Variants in PRKCZ observed in about 807,000 individuals in gnomAD.
PRKCZ encodes protein kinase C zeta type.
In PRKCZ, 33 loss-of-function variants were observed where a neutral mutation model predicts 79.5. The ratio of observed to expected loss-of-function variants is 0.41; its 90% CI spans 0.31 to 0.55. The LOEUF (loss-of-function observed/expected upper bound fraction) is 0.55. Ranked by LOEUF, PRKCZ falls within the 20% of genes least tolerant of loss-of-function variation. PRKCZ has a pLI of 0.19. For missense variants in PRKCZ, 578 were observed against 813.5 expected (o/e 0.71, Z 3.52); for synonymous variants, 342 against 320.9 (o/e 1.07, Z -0.70).
intron 9 of PRKCZ, among the ~76,000 whole-genome samples, chr1:2,155,037 C>G (rs935448713): frequency 1.3e-5 from 2 of 152,160 alleles, no homozygotes; most frequent in Non-Finnish European, 2.9e-5. Flanking sequence ...AGGCCAGAGG[C>G]CAGTATACCA....
At chr1:2,072,426 G>A (rs377019052) in intron 4 of PRKCZ, among the ~76,000 whole-genome samples, 2 of 152,192 alleles carry the variant, frequency 1.3e-5, no homozygotes, top group African/African-American at 4.8e-5. Context: ...CTCTTGCCTC[G>A]CGGGGCCATG....
chr1:2,096,323 C>G (rs1475096590), intron 4 of PRKCZ, among the ~76,000 whole-genome samples: 1 of 150,674 alleles, frequency 6.6e-6, no homozygotes, highest in Non-Finnish European at 1.5e-5. Context: ...AGTTTGGCAT[C>G]TGGAGTAGCT....
intron 16 of PRKCZ, among the ~76,000 whole-genome samples, chr1:2,181,348 C>G (rs1290719784): frequency 6.6e-6 from 1 of 152,234 alleles, no homozygotes; most frequent in Non-Finnish European, 1.5e-5. Context: ...GGGCCCCCAG[C>G]CCCATTGACA....
chr1:2,057,655 T>G (rs1012109722), intron 3 of PRKCZ, among the ~76,000 whole-genome samples: 10 of 152,040 alleles, frequency 6.6e-5, no homozygotes, highest in East Asian at 1.9e-4. Context: ...CGCTTCAGCC[T>G]AGGAGTTCAA....
In PRKCZ at chr1:2,185,049, C is replaced by G; in HGVS notation, c.*40C>G. ...CTGTCGTGGACACGCGTGATTGACCCTTTAACTGTATCCTTAACCACCGCA... is the reference window on the plus strand; with the variant it reads ...CTGTCGTGGACACGCGTGATTGACCGTTTAACTGTATCCTTAACCACCGCA... On this transcript the variant is annotated 3_prime_UTR_variant, in exon 18 of 18. Coordinates refer to ENST00000378567, the MANE Select transcript of PRKCZ (RefSeq NM_002744.6). The G allele has an allele frequency of 1.3e-6, 2 of 1,547,612 alleles. No individual in the cohort carries two copies. Among genetic ancestry groups the G allele is most frequent in the Non-Finnish European group, 1.8e-6 (2 of 1,131,034 alleles).
intron 4 of PRKCZ, among the ~76,000 whole-genome samples, chr1:2,070,658 G>A (rs1016427014): frequency 2.0e-5 from 3 of 152,054 alleles, no homozygotes; most frequent in Non-Finnish European, 4.4e-5. Context: ...AGATAGCAGG[G>A]GAAGGGGCTG....
chr1:2,150,270 G>A (rs1374874714), intron 8 of PRKCZ, among the ~76,000 whole-genome samples: 2 of 152,184 alleles, frequency 1.3e-5, no homozygotes, highest in African/African-American at 2.4e-5. Context: ...GCTTGCGGGA[G>A]GCAGAGGCTT....
At chr1:2,147,448 C>CATCTATCT (rs1454738053) in intron 7 of PRKCZ, among the ~76,000 whole-genome samples, 1 of 150,650 alleles carries the variant, frequency 6.6e-6, no homozygotes. Context: ...TCCATCTATC[C>CATCTATCT]ATCTATCTTG....
intron 4 of PRKCZ, among the ~76,000 whole-genome samples, chr1:2,098,925 C>T (rs935141630): frequency 2.6e-5 from 4 of 152,202 alleles, no homozygotes; most frequent in Non-Finnish European, 5.9e-5. Flanking sequence ...TCGTGATCCA[C>T]CCACCTCAGC....
intron 4 of PRKCZ, among the ~76,000 whole-genome samples, chr1:2,130,636 G>T (rs952996194): frequency 6.6e-6 from 1 of 152,016 alleles, no homozygotes. Flanking sequence ...AGCCACAGCC[G>T]CAGCACTGCT....
chr1:2,118,421 T>G (rs1204764239), intron 4 of PRKCZ, among the ~76,000 whole-genome samples: 1 of 150,774 alleles, frequency 6.6e-6, no homozygotes, highest in Non-Finnish European at 1.5e-5. Flanking sequence ...CACTGCAAGC[T>G]CTGCCTCCTG....
intron 4 of PRKCZ, among the ~76,000 whole-genome samples, chr1:2,079,972 G>A (rs966381036): frequency 2.6e-5 from 4 of 152,190 alleles, no homozygotes; most frequent in African/African-American, 4.8e-5. Context: ...GGGTGAGGAA[G>A]GGGGTCTGGG....
rs1557612492 is a variant in PRKCZ at position 2,121,633 on chromosome 1, C to CGGCGGTGGTT, written c.335-13629_335-13628insGGCGGTGGTT. Among the ~76,000 whole-genome samples the CGGCGGTGGTT allele has an allele frequency of 2.3e-4, 2 of 8,706 alleles. 1 individual carries two copies. The highest frequency in any genetic ancestry group is 6.5e-4 in the African/African-American group (2 of 3,060). The allele number at this position is 8,706 out of a possible 152,430, so 5.7% of individuals were successfully genotyped here. A position where few individuals can be genotyped will look rare whatever the true frequency, so the allele number is the denominator to read the frequency against. On this transcript the variant is annotated intron_variant, in intron 4 of 17. Coordinates refer to ENST00000378567, the MANE Select transcript of PRKCZ (RefSeq NM_002744.6). Reference sequence around the variant, plus strand: ...AGGGTCATGGTGGTGGTTAGGGTCACAGTGGTAGTTAGGGTCACGGTGGTG... The same window carrying CGGCGGTGGTT: ...AGGGTCATGGTGGTGGTTAGGGTCACGGCGGTGGTTAGTGGTAGTTAGGGTCACGGTGGTG...
At chr1:2,163,407 C>T (rs1458338583) in intron 10 of PRKCZ, among the ~76,000 whole-genome samples, 1 of 152,184 alleles carries the variant, frequency 6.6e-6, no homozygotes, top group East Asian at 1.9e-4. Context: ...ATCATCTGGT[C>T]TCTGAGGACA....
In PRKCZ at chr1:2,124,299, T is replaced by C. The variant is rs200696925; in HGVS notation, c.335-10963T>C. 3.8e-3 allele frequency among the ~76,000 whole-genome samples: 356 copies of C among 94,424 alleles called. 6 individuals carry two copies. Among genetic ancestry groups the C allele is most frequent in the African/African-American group, 0.011 (293 of 27,222 alleles). 61.9% of individuals were successfully genotyped at this position (94,424 alleles called of 152,430 possible). ...GTCACGGCTGTAGTTAGCGTCACGG[T>C]GGTAGTTAGGGTCACGGTGGTGGTT... is the stretch of plus-strand genomic sequence containing the variant. On this transcript the variant is annotated intron_variant, in intron 4 of 17. Transcript: ENST00000378567.
chr1:2,080,727 C>T (rs181733272), intron 4 of PRKCZ, among the ~76,000 whole-genome samples: 6 of 152,320 alleles, frequency 3.9e-5, no homozygotes, highest in South Asian at 2.1e-4. Context: ...GTCTCCCCTC[C>T]TGCCCCCTTT....
intron 4 of PRKCZ, among the ~76,000 whole-genome samples, chr1:2,130,535 A>G (rs925133263): frequency 6.6e-6 from 1 of 152,226 alleles, no homozygotes; most frequent in Non-Finnish European, 1.5e-5. Flanking sequence ...GTGTGTGTAT[A>G]GAAAGATCTA....
chr1:2,081,682 G>A (rs905895047), intron 4 of PRKCZ, among the ~76,000 whole-genome samples: 3 of 152,284 alleles, frequency 2.0e-5, no homozygotes, highest in African/African-American at 4.8e-5. Context: ...GACTGACCCC[G>A]CATACTCTTC....
intron 4 of PRKCZ, among the ~76,000 whole-genome samples, chr1:2,067,849 T>C (rs2459985): frequency 0.5 from 75,850 of 152,146 alleles, 23,263 homozygotes; most frequent in East Asian, 0.95. Flanking sequence ...TTAATATTTT[T>C]CCTTCTGGCT....
Sources: gnomAD v4.1 joint callset for allele counts (sites outside exome capture counted in the v4.1 genomes callset) on GRCh38, gnomAD v4.1.1 for gene constraint, MANE v1.5 for transcripts, NCBI Gene and HGNC (gene_info 2026-07-23, HGNC 2026-07-21) for gene names.